ENTREP2: variants seen among roughly 807,000 people sequenced by gnomAD.
The protein encoded by ENTREP2 is endosomal transmembrane epsin interactor 2.
chr15:29,144,411 G>C, the ENTREP2 span, among the ~76,000 whole-genome samples: 1 of 152,120 alleles, frequency 6.6e-6, no homozygotes, highest in Non-Finnish European at 1.5e-5. Context: ...GGCTCAGATG[G>C]CTTCACTGGT....
At chr15:29,548,077 G>T in the ENTREP2 span, among the ~76,000 whole-genome samples, 1 of 152,076 alleles carries the variant, frequency 6.6e-6, no homozygotes, top group African/African-American at 2.4e-5. Context: ...CTGGGTTGGG[G>T]GTAAAAGTTT....
chr15:29,363,436 G>C, the ENTREP2 span, among the ~76,000 whole-genome samples: 4 of 152,182 alleles, frequency 2.6e-5, no homozygotes, highest in Non-Finnish European at 4.4e-5. Flanking sequence ...TTTGTAGTGT[G>C]ACTGGGACTG....
the ENTREP2 span, among the ~76,000 whole-genome samples, chr15:29,306,664 A>ATTTTTTTTTTTTTTTTTTTTTTT: frequency 1.0e-4 from 8 of 77,336 alleles, 3 homozygotes; most frequent in Non-Finnish European, 2.3e-4. Context: ...ATAATTGGTA[A>ATTTTTTTTTTTTTTTTTTTTTTT]TTTTTTTTTT....
the ENTREP2 span, among the ~76,000 whole-genome samples, chr15:29,177,137 G>A: frequency 6.6e-6 from 1 of 152,188 alleles, no homozygotes; most frequent in African/African-American, 2.4e-5. Flanking sequence ...GACAAGGTTG[G>A]AAAGAGAAGC....
the ENTREP2 span, among the ~76,000 whole-genome samples, chr15:29,259,681 A>G: frequency 5.9e-5 from 9 of 152,192 alleles, no homozygotes; most frequent in South Asian, 1.9e-3. Context: ...TTCTTCCTTT[A>G]AAACACCTAG....
the ENTREP2 span, among the ~76,000 whole-genome samples, chr15:29,148,339 T>C: frequency 6.6e-6 from 1 of 152,278 alleles, no homozygotes; most frequent in Non-Finnish European, 1.5e-5. Context: ...CACAGATCCC[T>C]GGTAAAAGAA....
the ENTREP2 span, chr15:29,118,121 A>AATC: frequency 6.5e-6 from 1 of 152,730 alleles, no homozygotes; most frequent in South Asian, 2.1e-4. Context: ...CGATCCATGT[A>AATC]ATCTGACGTC....
the ENTREP2 span, among the ~76,000 whole-genome samples, chr15:29,657,206 C>A: frequency 6.7e-6 from 1 of 150,242 alleles, no homozygotes. Flanking sequence ...CACCACCACG[C>A]CGCGCCAGCT....
the ENTREP2 span, among the ~76,000 whole-genome samples, chr15:29,598,667 G>T: frequency 6.6e-6 from 1 of 151,556 alleles, no homozygotes; most frequent in Admixed American, 6.6e-5. Flanking sequence ...ATCCATTGTT[G>T]AAGTGACCTA....
At chr15:29,564,967 T>C in the ENTREP2 span, among the ~76,000 whole-genome samples, 16 of 152,266 alleles carry the variant, frequency 1.1e-4, no homozygotes, top group East Asian at 3.1e-3. Flanking sequence ...ATAAAACATG[T>C]TCTGAAGGGC....
At chr15:29,420,550 C>G in the ENTREP2 span, among the ~76,000 whole-genome samples, 1 of 152,180 alleles carries the variant, frequency 6.6e-6, no homozygotes, top group Non-Finnish European at 1.5e-5. Flanking sequence ...GGCTAAAAAT[C>G]TGCTAATTCA....
the ENTREP2 span, among the ~76,000 whole-genome samples, chr15:29,407,656 G>C: frequency 6.6e-6 from 1 of 151,366 alleles, no homozygotes; most frequent in African/African-American, 2.4e-5. Context: ...GCAAACCAGA[G>C]TGGTTTGCTC....
chr15:29,299,442 C>A, the ENTREP2 span, among the ~76,000 whole-genome samples: 207 of 152,302 alleles, frequency 1.4e-3, no homozygotes, highest in African/African-American at 4.9e-3. Flanking sequence ...CACGTGGCTG[C>A]AGCACACTGG....
At chr15:29,130,295 G>A in the ENTREP2 span, among the ~76,000 whole-genome samples, 17 of 152,232 alleles carry the variant, frequency 1.1e-4, no homozygotes, top group African/African-American at 2.9e-4. Context: ...GGAGGGAATC[G>A]GTGAGGGAGA....
the ENTREP2 span, among the ~76,000 whole-genome samples, chr15:29,292,376 TTTCC>T: frequency 6.6e-6 from 1 of 151,886 alleles, no homozygotes; most frequent in East Asian, 1.9e-4. Context: ...TCTTTCTTTC[TTTCC>T]TTCTTTCTTT....
the ENTREP2 span, among the ~76,000 whole-genome samples, chr15:29,331,592 A>G: frequency 6.6e-6 from 1 of 152,204 alleles, no homozygotes; most frequent in Admixed American, 6.5e-5. Context: ...TGTGACATCT[A>G]AACATCCCCA....
the ENTREP2 span, among the ~76,000 whole-genome samples, chr15:29,540,953 T>C: frequency 3.3e-5 from 5 of 152,176 alleles, no homozygotes; most frequent in African/African-American, 7.2e-5. Context: ...GAACTAGAAA[T>C]AGACTCTATC....
the ENTREP2 span, among the ~76,000 whole-genome samples, chr15:29,125,034 C>T: frequency 6.6e-6 from 1 of 152,210 alleles, no homozygotes; most frequent in Non-Finnish European, 1.5e-5. Flanking sequence ...GGAATTCCCA[C>T]CCTCACCTGA....
chr15:29,642,085 T>C, the ENTREP2 span, among the ~76,000 whole-genome samples: 11 of 152,070 alleles, frequency 7.2e-5, no homozygotes, highest in Admixed American at 1.3e-4. Flanking sequence ...TTAAAGCAAT[T>C]CCTATCAAAA....
Sources: allele counts gnomAD v4.1 joint callset (sites outside exome capture counted in the v4.1 genomes callset), GRCh38; gene constraint gnomAD v4.1.1; transcripts MANE v1.5; gene names NCBI Gene and HGNC (gene_info 2026-07-23, HGNC 2026-07-21).